Variants in ATP10D observed in about 807,000 individuals in gnomAD.
The protein encoded by ATP10D is phospholipid-transporting ATPase VD.
Under a neutral mutation model 144.8 loss-of-function variants are expected in ATP10D, and 89 were observed. The ratio of observed to expected loss-of-function variants is 0.61; its 90% CI spans 0.52 to 0.73. The LOEUF is 0.73. ATP10D is among the 30% of genes least tolerant of loss of function. ATP10D has a pLI of 0.00. For missense variants in ATP10D, 1,603 were observed against 1,714.8 expected (o/e 0.93, Z 1.15); for synonymous variants, 571 against 615.1 (o/e 0.93, Z 1.06).
In ATP10D at chr4:47,583,551, G is replaced by A. The variant is rs903169421; in HGVS notation, c.3753+1487G>A. Among the ~76,000 whole-genome samples, 5 of 152,268 alleles carry A rather than the reference G, an allele frequency of 3.3e-5. No homozygotes were observed. The East Asian group carries it at 9.7e-4, about 29-fold the overall frequency. ...GGTTAATATCTGCAAATACCAGATG[G>A]GTAGAGTAAAGGAAATTCTAGAACT... On this transcript the variant is annotated intron_variant, in intron 21 of 22. Coordinates refer to ENST00000273859, the MANE Select transcript of ATP10D (RefSeq NM_020453.4).
intron 1 of ATP10D, among the ~76,000 whole-genome samples, chr4:47,493,282 T>C (rs1715180388): frequency 6.6e-6 from 1 of 152,154 alleles, no homozygotes; most frequent in South Asian, 2.1e-4. Context: ...ATGGGGAAAA[T>C]ACACAATCCC....
At position 47,590,632 on chromosome 4, in the gene ATP10D, C is replaced by T. The variant is rs117050094; in HGVS notation, c.3942-410C>T. Among the ~76,000 whole-genome samples the T allele has an allele frequency of 2.3e-4, 35 of 152,156 alleles. No homozygotes were observed. In the East Asian group the frequency reaches 6.6e-3, roughly 29 times the overall value. ...TGCCAGCTTAGCCTACAAAGGGACA[C>T]GTTTGTGGTACTTTGTTACAATAGC... On this transcript the variant is annotated intron_variant, in intron 22 of 22. Coordinates refer to ENST00000273859, the MANE Select transcript of ATP10D (RefSeq NM_020453.4).
rs1380955689 is a variant in ATP10D, at chr4:47,497,601, A to G, written c.-38+12082A>G. 2.6e-5 allele frequency among the ~76,000 whole-genome samples: 4 copies of G among 152,360 alleles called. No homozygotes were observed. The East Asian group carries it at 7.7e-4, about 29-fold the overall frequency. On this transcript the variant is annotated intron_variant, in intron 1 of 22. Transcript: ENST00000273859. Reference sequence around the variant, plus strand: ...CTGTAGAAGTCTTAGCTTACTTTATAGTTGAATCATACTAGTATATAAAAT... The same window carrying G: ...CTGTAGAAGTCTTAGCTTACTTTATGGTTGAATCATACTAGTATATAAAAT...
At position 47,554,839 on chromosome 4, in the gene ATP10D, C is replaced by T. The variant is rs1440377171; in HGVS notation, c.1749C>T (p.Tyr583=). 1.8e-5 allele frequency: 29 copies of T among 1,613,998 alleles called. No homozygotes were observed. Among genetic ancestry groups the T allele is most frequent in the East Asian group, 2.2e-5 (1 of 44,880 alleles). ...TIQNPPMETL[Y]IIDFFIALAI... ...AAAATCCACCAATGGAAACTTTGTA[C>T]ATTATCGACTTTTTCATTGCATTGG... The change falls in exon 11 of 23, where the codon TAC becomes TAT. Residue 583 remains tyrosine (Y), a synonymous_variant. Transcript: ENST00000273859.
intron 17 of ATP10D, 100 bp from the exon 18 acceptor site, chr4:47,572,772 A>C: frequency 6.9e-7 from 1 of 1,451,940 alleles, no homozygotes; most frequent in South Asian, 1.2e-5. Context: ...GGTCAGAAGA[A>C]GGTAGAATAT....
intron 9 of ATP10D, among the ~76,000 whole-genome samples, chr4:47,539,494 A>G (rs1275491189): frequency 6.6e-6 from 1 of 152,116 alleles, no homozygotes; most frequent in Non-Finnish European, 1.5e-5. Flanking sequence ...TTTAACACAT[A>G]TGTATATGTT....
chr4:47,502,315 C>G (rs991116474), intron 1 of ATP10D, among the ~76,000 whole-genome samples: 3 of 151,994 alleles, frequency 2.0e-5, no homozygotes, highest in East Asian at 1.9e-4. Flanking sequence ...ACTAAAAATG[C>G]AAGAAATTAG....
At position 47,554,900 on chromosome 4, in the gene ATP10D, C is replaced by G. The variant is rs988706879; in HGVS notation, c.1810C>G (p.Gln604Glu). 47 of 1,613,368 alleles carry G rather than the reference C, an allele frequency of 2.9e-5. No individual in the cohort carries two copies. Among genetic ancestry groups the G allele is most frequent in the Non-Finnish European group, 3.8e-5 (45 of 1,179,722 alleles). ...CACAGTAGTGGTTTCTGCTCCTAAC[C>G]AACCCCGACAAAAGGTGAGTAAGTT... The part of the protein sequence containing the change: ...CNTVVVSAPN[Q>E]PRQKIRHPSL... The change falls in exon 11 of 23, where the codon CAA becomes GAA. Residue 604 changes from glutamine (Q) to glutamate (E), a missense_variant. Coordinates refer to ENST00000273859, the MANE Select transcript of ATP10D (RefSeq NM_020453.4).
intron 9 of ATP10D, 149 bp downstream of exon 9, chr4:47,537,087 G>A: frequency 1.0e-6 from 1 of 953,632 alleles, no homozygotes; most frequent in Non-Finnish European, 1.5e-6. Context: ...AAACTTCATT[G>A]TTGTTCCTTC....
intron 1 of ATP10D, among the ~76,000 whole-genome samples, chr4:47,500,147 C>T (rs1172269671): frequency 2.3e-4 from 35 of 152,178 alleles, no homozygotes; most frequent in Admixed American, 2.3e-3. Context: ...CTACTCATTG[C>T]CTGATATTAT....
At chr4:47,569,202 C>A in intron 16 of ATP10D, 56 bp downstream of exon 16, 1 of 1,549,200 alleles carries the variant, frequency 6.5e-7, no homozygotes, top group Non-Finnish European at 8.8e-7. Context: ...ACACCAGACA[C>A]CGATCCTTCT....
At chr4:47,569,494 A>C (rs1055039687) in intron 16 of ATP10D, among the ~76,000 whole-genome samples, 41 of 152,250 alleles carry the variant, frequency 2.7e-4, no homozygotes, top group African/African-American at 9.9e-4. Flanking sequence ...ATTCAAGGAC[A>C]TGAGAATTCA....
chr4:47,566,695 C>T (rs1247192633), intron 15 of ATP10D, among the ~76,000 whole-genome samples: 4 of 152,056 alleles, frequency 2.6e-5, no homozygotes, highest in Non-Finnish European at 5.9e-5. Context: ...GTAGTTGCCC[C>T]GAGCTCTGAA....
chr4:47,586,741 A>G (rs1159875377), intron 21 of ATP10D, among the ~76,000 whole-genome samples: 4 of 152,198 alleles, frequency 2.6e-5, no homozygotes, highest in African/African-American at 9.6e-5. Flanking sequence ...GAAAATCCAG[A>G]CACCTCTTGG....
intron 11 of ATP10D, among the ~76,000 whole-genome samples, chr4:47,555,968 G>A (rs1237016491): frequency 6.6e-6 from 1 of 152,130 alleles, no homozygotes; most frequent in African/African-American, 2.4e-5. Flanking sequence ...TGGCCAGGCT[G>A]GTCTCAAACT....
intron 22 of ATP10D, 37 bp from the exon 23 acceptor site, chr4:47,591,005 G>T: frequency 9.6e-6 from 13 of 1,358,260 alleles, no homozygotes; most frequent in South Asian, 1.4e-5. Flanking sequence ...ATGCATTTGA[G>T]ATGAATTTAA....
rs776492459 is a variant in ATP10D at position 47,558,163 on chromosome 4, T to C, written c.2324T>C (p.Val775Ala). 1.7e-5 allele frequency: 28 copies of C among 1,614,188 alleles called. No individual in the cohort carries two copies. In the South Asian group the frequency reaches 3.1e-4, roughly 18 times the overall value. ...CTACACATCCTGCCCTTTGACTCAG[T>C]AAGAAAAAGAATGTCTGTTGTGGTC... ...QLLHILPFDS[V>A]RKRMSVVVRH... The change falls in exon 12 of 23, where the codon GTA (valine) becomes GCA (alanine). Residue 775 changes from valine to alanine, a missense_variant. Val to Ala is a moderately conservative substitution (Grantham distance 64, BLOSUM62 0). Transcript: ENST00000273859.
intron 1 of ATP10D, among the ~76,000 whole-genome samples, chr4:47,505,795 A>G (rs184718645): frequency 6.6e-6 from 1 of 152,196 alleles, no homozygotes; most frequent in Admixed American, 6.5e-5. Flanking sequence ...GGTGAGATTC[A>G]GGAGATTCTG....
intron 19 of ATP10D, among the ~76,000 whole-genome samples, chr4:47,578,878 A>G (rs1720369067): frequency 6.6e-6 from 1 of 152,250 alleles, no homozygotes. Flanking sequence ...AATTCCAAGT[A>G]TATTATTCTA....
Sources: gnomAD v4.1 joint callset for allele counts (sites outside exome capture counted in the v4.1 genomes callset) on GRCh38, gnomAD v4.1.1 for gene constraint, MANE v1.5 for transcripts, NCBI Gene and HGNC (gene_info 2026-07-23, HGNC 2026-07-21) for gene names.